Variants in FSHR observed in about 807,000 individuals in gnomAD.
FSHR encodes the protein follicle-stimulating hormone receptor.
Under a neutral mutation model 52.1 loss-of-function variants are expected in FSHR, and 46 were observed. The observed-to-expected ratio is 0.88, with a 90% CI of 0.70 to 1.13. FSHR has a LOEUF of 1.13. Among genes scored for constraint, FSHR ranks in the 50% most tolerant of loss-of-function variants. The pLI is 0.00. For missense variants in FSHR, 964 were observed against 834.6 expected, an observed-to-expected ratio of 1.16 and a Z score of -1.91; for synonymous variants, 399 against 309.6, an observed-to-expected ratio of 1.29 and a Z score of -3.03.
chr2:49,048,529 T>C (rs1668743346), intron 2 of FSHR, among the ~76,000 whole-genome samples: 1 of 152,194 alleles, frequency 6.6e-6, no homozygotes, highest in South Asian at 2.1e-4. Context: ...TTATTATTCA[T>C]ACCTTGCATT....
intron 4 of FSHR, 112 bp downstream of exon 4, chr2:49,017,377 C>G: frequency 1.3e-6 from 1 of 793,216 alleles, no homozygotes; most frequent in Non-Finnish European, 2.1e-6. Context: ...TGCCCCCCAC[C>G]ACCATCCTTG....
chr2:49,056,058 AAAT>A (rs1669051519), intron 2 of FSHR, among the ~76,000 whole-genome samples: 1 of 152,040 alleles, frequency 6.6e-6, no homozygotes, highest in African/African-American at 2.4e-5. Flanking sequence ...CAATAATTAA[AAAT>A]AAGAGAGGAA....
rs767492233 is a variant in FSHR, at chr2:49,154,356, C to T, written c.62G>A (p.Arg21Gln). 51 of 1,613,452 alleles carry T rather than the reference C, an allele frequency of 3.2e-5. No individual in the cohort carries two copies. Among genetic ancestry groups the T allele is most frequent in the Middle Eastern group, 1.7e-4 (1 of 5,852 alleles). The change falls in exon 1 of 10, where the codon CGG becomes CAG. Residue 21 changes from arginine to glutamine, a missense_variant. Transcript: ENST00000406846. ...AACCCTGTTAGAGCAGTGACAGATCCGATGATGACATCCTGAGCCCAAGCT... is the reference window on the plus strand; with the variant it reads ...AACCCTGTTAGAGCAGTGACAGATCTGATGATGACATCCTGAGCCCAAGCT... Reference protein sequence around the residue: ...FLSLGSGCHHRICHCSNRVFL... With the variant: ...FLSLGSGCHHQICHCSNRVFL...
chr2:49,147,585 G>A (rs1166446275), intron 1 of FSHR, among the ~76,000 whole-genome samples: 2 of 152,020 alleles, frequency 1.3e-5, no homozygotes, highest in African/African-American at 4.8e-5. Flanking sequence ...CTCTTCAATT[G>A]CTAATAATGA....
intron 1 of FSHR, among the ~76,000 whole-genome samples, chr2:49,078,611 TATAA>T (rs199924790): frequency 2.0e-5 from 3 of 151,332 alleles, no homozygotes; most frequent in East Asian, 3.9e-4. Flanking sequence ...AAAATTTTCA[TATAA>T]ATAAATTAAA....
At chr2:49,041,857 C>T (rs1463446822) in intron 2 of FSHR, among the ~76,000 whole-genome samples, 1 of 152,052 alleles carries the variant, frequency 6.6e-6, no homozygotes, top group African/African-American at 2.4e-5. Context: ...CCTAAAGTAC[C>T]TTAACCAGGC....
chr2:49,082,327 A>G (rs1032073165), intron 1 of FSHR, among the ~76,000 whole-genome samples: 1 of 152,208 alleles, frequency 6.6e-6, no homozygotes, highest in Non-Finnish European at 1.5e-5. Context: ...AAGGACATCC[A>G]CATCAAAAAC....
At chr2:49,059,623 C>T (rs956962473) in intron 2 of FSHR, 8 of 152,492 alleles carry the variant, frequency 5.2e-5, no homozygotes, top group Non-Finnish European at 1.2e-4. Context: ...GTGATTTTTG[C>T]TATTAGAAAG....
At chr2:48,971,095 C>T (rs148117661) in intron 8 of FSHR, among the ~76,000 whole-genome samples, 2 of 152,166 alleles carry the variant, frequency 1.3e-5, no homozygotes, top group African/African-American at 4.8e-5. Context: ...TAATGACTCC[C>T]CATTGCTCTT....
At chr2:48,981,600 C>T (rs573766048) in intron 8 of FSHR, among the ~76,000 whole-genome samples, 1 of 152,300 alleles carries the variant, frequency 6.6e-6, no homozygotes, top group South Asian at 2.1e-4. Flanking sequence ...AATCTTTGAA[C>T]ATGGTCAGGA....
intron 4 of FSHR, among the ~76,000 whole-genome samples, chr2:49,000,158 A>T (rs1386759067): frequency 2.0e-5 from 3 of 152,094 alleles, no homozygotes; most frequent in Non-Finnish European, 4.4e-5. Context: ...TGCACATTTT[A>T]GGATGGATCT....
intron 1 of FSHR, among the ~76,000 whole-genome samples, chr2:49,094,400 A>G (rs1445212281): frequency 6.6e-6 from 1 of 152,164 alleles, no homozygotes; most frequent in Non-Finnish European, 1.5e-5. Flanking sequence ...CTTTACGCAG[A>G]TATTGTAGAC....
At chr2:49,149,073 A>T (rs1027027943) in intron 1 of FSHR, among the ~76,000 whole-genome samples, 1 of 152,014 alleles carries the variant, frequency 6.6e-6, no homozygotes, top group African/African-American at 2.4e-5. Flanking sequence ...TTTTAAAAAA[A>T]ATATTATTAT....
At chr2:48,964,041 G>T in intron 9 of FSHR, 75 bp from the exon 10 acceptor site, 2 of 1,466,014 alleles carry the variant, frequency 1.4e-6, no homozygotes, top group Non-Finnish European at 1.9e-6. Context: ...CTTTGTGCAG[G>T]GTAGAAATGA....
At chr2:48,978,831 C>G (rs868094324) in intron 8 of FSHR, among the ~76,000 whole-genome samples, 3 of 152,178 alleles carry the variant, frequency 2.0e-5, no homozygotes, top group Non-Finnish European at 4.4e-5. Flanking sequence ...TTCAGAGGCT[C>G]CCTATTCTTC....
chr2:49,101,366 G>C (rs1004866197), intron 1 of FSHR, among the ~76,000 whole-genome samples: 5 of 152,120 alleles, frequency 3.3e-5, no homozygotes, highest in Non-Finnish European at 5.9e-5. Flanking sequence ...CCAGAACTGG[G>C]AGTAGATGGG....
At chr2:49,075,189 G>T (rs11125210) in intron 1 of FSHR, among the ~76,000 whole-genome samples, 2 of 151,908 alleles carry the variant, frequency 1.3e-5, no homozygotes, top group Middle Eastern at 3.4e-3. Flanking sequence ...GGATATTGAC[G>T]TTCCCAACAC....
Position 48,968,860 on chromosome 2 carries a change from T to A in FSHR, c.692A>T (p.His231Leu). Residue 231 changes from histidine (H) to leucine (L), a missense_variant, in exon 9 of 10, where the codon CAT becomes CTT. Transcript: ENST00000406846. ...VILDISRTRI[H>L]SLPSYGLENL... ...TTCTAAGCCATAGCTAGGCAGGGAA[T>A]GGATCCTTGTTCTTGAAATATCTCT... is the stretch of plus-strand genomic sequence containing the variant. 6.2e-7 allele frequency: 1 copy of A among 1,613,802 alleles called. No homozygotes were observed. Among genetic ancestry groups the A allele is most frequent in the Non-Finnish European group, 8.5e-7 (1 of 1,179,934 alleles).
chr2:48,971,690 T>C lies in FSHR; in HGVS notation c.669-2807A>G, dbSNP rs543043612. Among the ~76,000 whole-genome samples the C allele has an allele frequency of 7.9e-5, 12 of 152,342 alleles. No homozygotes were observed. In the South Asian group the frequency reaches 2.5e-3, roughly 32 times the overall value. On this transcript the variant is annotated intron_variant, in intron 8 of 9. Transcript: ENST00000406846. ...TTTGTTCTATCACTACTGAGAAAAT[T>C]ATAATGAAATCTCCAACAATGATTT...
Sources: gnomAD v4.1 joint callset for allele counts (sites outside exome capture counted in the v4.1 genomes callset) on GRCh38, gnomAD v4.1.1 for gene constraint, MANE v1.5 for transcripts, NCBI Gene and HGNC (gene_info 2026-07-23, HGNC 2026-07-21) for gene names.